SLC12A3: variants seen among roughly 807,000 people sequenced by gnomAD.
SLC12A3 encodes solute carrier family 12 member 3.
In SLC12A3, 104 loss-of-function variants were observed where a neutral mutation model predicts 121.0. That is an observed-to-expected ratio of 0.86 (90% CI 0.73 to 1.01). The LOEUF (loss-of-function observed/expected upper bound fraction) is 1.01, where lower values mean the gene tolerates loss of function less well. Ranked by LOEUF, SLC12A3 falls within the 50% of genes least tolerant of loss-of-function variation. The pLI is 0.00. For synonymous variants in SLC12A3, 536 were observed against 533.4 expected (o/e 1.00, Z -0.07); for missense variants, 1,328 against 1,356.3 (o/e 0.98, Z 0.33).
chr16:56,892,237 C>T (rs2055398287), intron 20 of SLC12A3, 104 bp downstream of exon 20: 4 of 1,028,810 alleles, frequency 3.9e-6, no homozygotes, highest in South Asian at 2.5e-5. Flanking sequence ...GGAACTTGGT[C>T]GAGGACAGGT....
intron 25 of SLC12A3, chr16:56,906,627 A>T (rs1369112557): frequency 5.4e-6 from 2 of 372,982 alleles, no homozygotes; most frequent in African/African-American, 4.3e-5. Flanking sequence ...TCACCCTGGG[A>T]AGGCAACAGT....
chr16:56,900,769 G>A (rs1175721004), intron 23 of SLC12A3, among the ~76,000 whole-genome samples: 1 of 152,154 alleles, frequency 6.6e-6, no homozygotes, highest in Middle Eastern at 3.4e-3. Flanking sequence ...GACCTCAGGT[G>A]ACCCACCCGC....
intron 24 of SLC12A3, among the ~76,000 whole-genome samples, chr16:56,903,780 C>T (rs557456644): frequency 1.4e-4 from 22 of 152,314 alleles, no homozygotes; most frequent in Non-Finnish European, 3.1e-4. Context: ...TGGGGACTTC[C>T]CTAATCTGTC....
intron 9 of SLC12A3, 73 bp downstream of exon 9, chr16:56,878,234 C>A: frequency 8.7e-7 from 1 of 1,150,500 alleles, no homozygotes; most frequent in Non-Finnish European, 1.3e-6. Context: ...AAAACCCTGA[C>A]CACTGGAGGG....
At position 56,867,109 on chromosome 16, in the gene SLC12A3, C is replaced by G. The variant is rs541789117; in HGVS notation, c.322C>G (p.Arg108Gly). 9 of 1,613,938 alleles carry G rather than the reference C, an allele frequency of 5.6e-6. No homozygotes were observed. Among genetic ancestry groups the G allele is most frequent in the Non-Finnish European group, 7.6e-6 (9 of 1,180,030 alleles). The change falls in exon 2 of 26, where the codon CGG (arginine) becomes GGG (glycine). Residue 108 changes from arginine (R) to glycine (G), a missense_variant. Coordinates refer to ENST00000563236, the MANE Select transcript of SLC12A3 (RefSeq NM_001126108.2). ...CCTGCATGCCCTGGCCTTTGACAGC[C>G]GGCCCAGCCACGAGATGACTGATGG... ...RHLHALAFDSRPSHEMTDGLV... is the reference protein window; with the variant it reads ...RHLHALAFDSGPSHEMTDGLV...
intron 23 of SLC12A3, among the ~76,000 whole-genome samples, 157 bp downstream of exon 23, chr16:56,899,773 G>A (rs2055513846): frequency 6.6e-6 from 1 of 152,236 alleles, no homozygotes; most frequent in South Asian, 2.1e-4. Flanking sequence ...TGCAGTGGCT[G>A]TGGCCGGGGC....
intron 13 of SLC12A3, among the ~76,000 whole-genome samples, chr16:56,883,055 C>T (rs2055262152): frequency 6.6e-6 from 1 of 152,034 alleles, no homozygotes; most frequent in Admixed American, 6.6e-5. Context: ...AGGGGTTTTC[C>T]AGTCTTTTCC....
rs1172752281 is a variant in SLC12A3 at position 56,879,191 on chromosome 16, G to C, written c.1299G>C (p.Gln433His). 3.1e-6 allele frequency: 5 copies of C among 1,613,030 alleles called. No homozygotes were observed. The African/African-American group carries it at 5.3e-5, about 17-fold the overall frequency. ...GGAACTTCACCGAGTGCACCCAGCA[G>C]CACAGCTGCCACTACGGCCTCATCA... ...YGWNFTECTQQHSCHYGLINY... is the reference protein window; with the variant it reads ...YGWNFTECTQHHSCHYGLINY... The change falls in exon 10 of 26, where the codon CAG becomes CAC. Residue 433 changes from glutamine (Q) to histidine (H), a missense_variant. Physicochemically the swap from Gln to His is conservative, Grantham distance 24. Coordinates refer to ENST00000563236, the MANE Select transcript of SLC12A3 (RefSeq NM_001126108.2).
intron 15 of SLC12A3, among the ~76,000 whole-genome samples, chr16:56,885,627 T>C (rs1397460003): frequency 6.6e-6 from 1 of 152,108 alleles, no homozygotes; most frequent in African/African-American, 2.4e-5. Flanking sequence ...TTGAGGTGAT[T>C]GTTGCTGCAG....
At chr16:56,896,012 G>A (rs1457777484) in intron 22 of SLC12A3, among the ~76,000 whole-genome samples, 2 of 152,148 alleles carry the variant, frequency 1.3e-5, no homozygotes, top group Non-Finnish European at 2.9e-5. Context: ...AGGAGCTGCT[G>A]TAAATACAGA....
intron 15 of SLC12A3, 61 bp from the exon 16 acceptor site, chr16:56,886,303 G>A (rs937123972): frequency 3.4e-5 from 44 of 1,297,614 alleles, no homozygotes; most frequent in African/African-American, 1.3e-4. Flanking sequence ...GGTGCCTTTC[G>A]CACCCAGACC....
intron 23 of SLC12A3, among the ~76,000 whole-genome samples, chr16:56,901,964 A>G (rs1430773617): frequency 2.0e-5 from 3 of 152,064 alleles, no homozygotes; most frequent in African/African-American, 7.2e-5. Context: ...TTCCCCACCC[A>G]TTATTCTCTG....
chr16:56,914,361 A>C lies in SLC12A3; in HGVS notation c.*956A>C, dbSNP rs1257964772. On this transcript the variant is annotated 3_prime_UTR_variant, in exon 26 of 26. Transcript: ENST00000563236. ...CTTCACACTGAGACTTGCAGCGCACACACACGGAAACGACCAAAACAAAAA... is the reference window on the plus strand; with the variant it reads ...CTTCACACTGAGACTTGCAGCGCACCCACACGGAAACGACCAAAACAAAAA... 1 of 152,270 alleles carries C rather than the reference A, an allele frequency of 6.6e-6. No homozygotes were observed. The highest frequency in any genetic ancestry group is 1.5e-5 in the Non-Finnish European group (1 of 68,052). The allele number at this position is 152,270 out of a possible 1,614,324, so 9.4% of individuals were successfully genotyped here.
In SLC12A3 at chr16:56,865,380, A is replaced by G; in HGVS notation, c.145A>G (p.Ser49Gly). 6.2e-7 allele frequency: 1 copy of G among 1,614,180 alleles called. No homozygotes were observed. Among genetic ancestry groups the G allele is most frequent in the Non-Finnish European group, 8.5e-7 (1 of 1,180,042 alleles). The change falls in exon 1 of 26, where the codon AGC (serine) becomes GGC (glycine). Residue 49 changes from serine to glycine, a missense_variant. By Grantham distance (56) the Ser-to-Gly change is moderately conservative. Coordinates refer to ENST00000563236, the MANE Select transcript of SLC12A3 (RefSeq NM_001126108.2). ...CCACCCCAGCCACCTGACCCACAGC[A>G]GCACCTTCTGCATGCGCACCTTTGG... is the stretch of plus-strand genomic sequence containing the variant. ...SSHPSHLTHS[S>G]TFCMRTFGYN...
At chr16:56,899,487 T>C (rs1308397335) in intron 22 of SLC12A3, 43 bp from the exon 23 acceptor site, 1 of 1,483,536 alleles carries the variant, frequency 6.7e-7, no homozygotes, top group East Asian at 2.3e-5. Context: ...AGACGCTGTC[T>C]CAAGAAAAAG....
At chr16:56,887,737 A>G (rs1270770698) in intron 17 of SLC12A3, among the ~76,000 whole-genome samples, 188 bp from the exon 18 acceptor site, 1 of 142,562 alleles carries the variant, frequency 7.0e-6, no homozygotes, top group African/African-American at 2.7e-5. Context: ...TCTCCCAATA[A>G]AGTTTTGTTT....
rs2144795760 is a variant in SLC12A3 at position 56,914,326 on chromosome 16, AAG to A, written c.*923_*924del. 1 of 152,370 alleles carries A rather than the reference AAG, an allele frequency of 6.6e-6. No homozygotes were observed. Among genetic ancestry groups the A allele is most frequent in the East Asian group, 1.9e-4 (1 of 5,194 alleles). The allele number at this position is 152,370 out of a possible 1,614,324, so 9.4% of individuals were successfully genotyped here. ...AACTTTTTTGGTTGCAACACACAGT[AAG>A]AAATATACTTCACACTGAGACTTGC... On this transcript the variant is annotated 3_prime_UTR_variant, in exon 26 of 26. Transcript: ENST00000563236.
At chr16:56,894,426 C>A in intron 21 of SLC12A3, 105 bp from the exon 22 acceptor site, 1 of 785,556 alleles carries the variant, frequency 1.3e-6, no homozygotes. Context: ...TGGGGTCCAG[C>A]GAGGAGAGGA....
intron 25 of SLC12A3, among the ~76,000 whole-genome samples, chr16:56,907,904 T>C (rs1253012105): frequency 6.6e-6 from 1 of 152,170 alleles, no homozygotes; most frequent in African/African-American, 2.4e-5. Flanking sequence ...TTTCTCTTCT[T>C]CCCAATCACT....
Sources: allele counts gnomAD v4.1 joint callset (sites outside exome capture counted in the v4.1 genomes callset), GRCh38; gene constraint gnomAD v4.1.1; transcripts MANE v1.5; gene names NCBI Gene and HGNC (gene_info 2026-07-23, HGNC 2026-07-21).